CNTROB: variants seen among roughly 807,000 people sequenced by gnomAD.
CNTROB encodes centrobin, centriole duplication and spindle assembly protein.
Under a neutral mutation model 115.7 loss-of-function variants are expected in CNTROB, and 82 were observed. The ratio of observed to expected loss-of-function variants is 0.71; its 90% CI spans 0.59 to 0.85. CNTROB has a LOEUF of 0.85. Among genes scored for constraint, CNTROB ranks in the 40% least tolerant of loss-of-function variants. CNTROB has a pLI of 0.00. For missense variants in CNTROB, 1,014 were observed against 1,144.4 expected (o/e 0.89, Z 1.64); for synonymous variants, 439 against 456.4 (o/e 0.96, Z 0.49).
At position 7,948,303 on chromosome 17, in the gene CNTROB, C is replaced by A; in HGVS notation, c.2356C>A (p.Pro786Thr). Reference protein sequence around the residue: ...PPSSHSQGSGPSSGSPERGGD... With the variant: ...PPSSHSQGSGTSSGSPERGGD... ...CTCCTCCCATTCACAAGGCAGTGGT[C>A]CCAGCAGTGGTTCCCCAGAGAGAGG... The change falls in exon 16 of 19, where the codon CCC (proline) becomes ACC (threonine). Residue 786 changes from proline to threonine, a missense_variant. Physicochemically the swap from Pro to Thr is conservative, Grantham distance 38. Coordinates refer to ENST00000563694, the MANE Select transcript of CNTROB (RefSeq NM_053051.5). This position sits in a 1 kb window ranked among gnomAD's most constrained non-coding sequence, Gnocchi z 4.4. 1 of 1,614,090 alleles carries A rather than the reference C, an allele frequency of 6.2e-7. No individual in the cohort carries two copies. Among genetic ancestry groups the A allele is most frequent in the Non-Finnish European group, 8.5e-7 (1 of 1,180,018 alleles).
chr17:7,942,425 G>A (rs1467730910), intron 9 of CNTROB, among the ~76,000 whole-genome samples: 4 of 151,562 alleles, frequency 2.6e-5, no homozygotes, highest in African/African-American at 9.7e-5. Flanking sequence ...GTGAAACCCC[G>A]TCTCTACTAA....
In CNTROB at chr17:7,932,815, C is replaced by T; in HGVS notation, c.-265C>T. On this transcript the variant is annotated 5_prime_UTR_variant, in exon 1 of 19. Transcript: ENST00000563694. ...GTTGTCCCACAGTAGGTCTTCTGTC[C>T]GCACCCGCTCTGCGCTGCACCCTCT... 1 of 453,644 alleles carries T rather than the reference C, an allele frequency of 2.2e-6. No individual in the cohort carries two copies. The highest frequency in any genetic ancestry group is 3.9e-6 in the Non-Finnish European group (1 of 256,086). The allele number at this position is 453,644 out of a possible 1,614,324, so 28.1% of individuals were successfully genotyped here.
In CNTROB at chr17:7,944,651, C is replaced by T. The variant is rs764796383; in HGVS notation, c.1734+13C>T. ...GCCCAACCCTCCAGTACGCCTTACC[C>T]CTTGAGCTAAGCTTCTCCGTTATGT... On this transcript the variant is annotated intron_variant, in intron 12 of 18. Coordinates refer to ENST00000563694, the MANE Select transcript of CNTROB (RefSeq NM_053051.5). This position sits in a 1 kb window ranked among gnomAD's most constrained non-coding sequence, Gnocchi z 4.0. The T allele has an allele frequency of 6.3e-7, 1 of 1,594,090 alleles. No individual in the cohort carries two copies. Among genetic ancestry groups the T allele is most frequent in the South Asian group, 1.1e-5 (1 of 89,936 alleles).
chr17:7,945,634 G>A, intron 12 of CNTROB, 94 bp from the exon 13 acceptor site: 14 of 1,375,084 alleles, frequency 1.0e-5, no homozygotes, highest in Middle Eastern at 2.3e-4. Context: ...CACTGCATCC[G>A]GAAATTTATA....
intron 9 of CNTROB, among the ~76,000 whole-genome samples, chr17:7,942,744 A>G (rs1238870068): frequency 7.0e-6 from 1 of 143,270 alleles, no homozygotes; most frequent in Non-Finnish European, 1.5e-5. Context: ...AGGCACTGCC[A>G]TTTATTGAAT....
rs1567934043 is a variant in CNTROB at position 7,945,820 on chromosome 17, G to A, written c.1827G>A (p.Leu609=). ...VWTMPPMAVA[L]KPVLQQSREA... is the part of the protein sequence containing the mutation. ...CTATGCCTCCCATGGCCGTGGCCCT[G>A]AAGCCTGTATTGCAGCAGAGCCGGG... Residue 609 remains leucine, a synonymous_variant, in exon 13 of 19, where the codon CTG becomes CTA. Transcript: ENST00000563694. The A allele has an allele frequency of 6.2e-7, 1 of 1,614,244 alleles. No individual in the cohort carries two copies.
chr17:7,945,345 AG>A (rs1312047888), intron 12 of CNTROB: 14 of 152,558 alleles, frequency 9.2e-5, no homozygotes, highest in African/African-American at 3.4e-4. Context: ...TCTCAAAAAA[AG>A]AAAAAGAAGA....
At chr17:7,938,589 A>T (rs1446877441) in intron 7 of CNTROB, among the ~76,000 whole-genome samples, 1 of 152,122 alleles carries the variant, frequency 6.6e-6, no homozygotes, top group Non-Finnish European at 1.5e-5. Context: ...TGCCTTACAT[A>T]TGCTTTTTAC....
chr17:7,944,274 C>T lies in CNTROB; in HGVS notation c.1571+26C>T, dbSNP rs752044054. On this transcript the variant is annotated intron_variant, in intron 11 of 18. Transcript: ENST00000563694. This position sits in a 1 kb window ranked among gnomAD's most constrained non-coding sequence, Gnocchi z 4.0. Reference sequence around the variant, plus strand: ...GTCCTGGTCCCCAGAGTGCCCCTTTCAGGCCCCAGCCCCTTTCCCATGGGT... The same window carrying T: ...GTCCTGGTCCCCAGAGTGCCCCTTTTAGGCCCCAGCCCCTTTCCCATGGGT... 1.2e-6 allele frequency: 2 copies of T among 1,611,276 alleles called. No individual in the cohort carries two copies. Among genetic ancestry groups the T allele is most frequent in the Non-Finnish European group, 8.5e-7 (1 of 1,177,434 alleles).
At position 7,944,491 on chromosome 17, in the gene CNTROB, A is replaced by G; in HGVS notation, c.1587A>G (p.Gln529=). The G allele has an allele frequency of 6.2e-7, 1 of 1,613,930 alleles. No homozygotes were observed. The highest frequency in any genetic ancestry group is 8.5e-7 in the Non-Finnish European group (1 of 1,179,918). The change falls in exon 12 of 19, where the codon CAA becomes CAG. Residue 529 remains glutamine (Q), a synonymous_variant. Transcript: ENST00000563694. This position sits in a 1 kb window ranked among gnomAD's most constrained non-coding sequence, Gnocchi z 4.0. ...EDYELRLARE[Q]ARVCELQSGN... ...TTTGCTTCAGACTGGCCCGGGAGCA[A>G]GCGCGAGTGTGCGAACTGCAGAGTG...
rs377613708 is a variant in CNTROB, at chr17:7,939,561, C to T, written c.976C>T (p.Arg326Trp). 85 of 1,614,002 alleles carry T rather than the reference C, an allele frequency of 5.3e-5. No individual in the cohort carries two copies. The highest frequency in any genetic ancestry group is 7.1e-5 in the Non-Finnish European group (84 of 1,180,026). ...LTLRLEAEQQ[R>W]CCVLQEERDA... Reference sequence around the variant, plus strand: ...TCTGAGGTTGGAGGCAGAACAGCAGCGGTGCTGTGTCCTGCAGGAAGAGCG... The same window carrying T: ...TCTGAGGTTGGAGGCAGAACAGCAGTGGTGCTGTGTCCTGCAGGAAGAGCG... The change falls in exon 8 of 19, where the codon CGG (arginine) becomes TGG (tryptophan). Residue 326 changes from arginine to tryptophan, a missense_variant. Transcript: ENST00000563694. The surrounding 1 kb of genome is among the most constrained non-coding windows in gnomAD (Gnocchi z 4.4).
At chr17:7,933,441 T>A in intron 1 of CNTROB, 92 bp downstream of exon 1, 604 of 1,148,916 alleles carry the variant, frequency 5.3e-4, no homozygotes, top group Non-Finnish European at 6.7e-4. Flanking sequence ...TTTGATGAGA[T>A]TTGAACTCTT....
rs1281557872 is a variant in CNTROB at position 7,934,155 on chromosome 17, C to T, written c.288C>T (p.Ile96=). ...NLKKKDGSKH[I]FEMESVRGQL... ...TTTTCCAGGATGGTTCTAAGCATAT[C>T]TTTGAGATGGAAAGTGTTCGGGGTC... is the stretch of plus-strand genomic sequence containing the variant. The change falls in exon 2 of 19, where the codon ATC becomes ATT. Residue 96 remains isoleucine (I), a synonymous_variant. Transcript: ENST00000563694. 6.2e-7 allele frequency: 1 copy of T among 1,614,068 alleles called. No individual in the cohort carries two copies. The highest frequency in any genetic ancestry group is 1.7e-5 in the Admixed American group (1 of 59,998).
At chr17:7,949,266 A>G in intron 18 of CNTROB, 109 bp downstream of exon 18, 1 of 1,570,702 alleles carries the variant, frequency 6.4e-7, no homozygotes, top group Non-Finnish European at 8.8e-7. Context: ...TGCATTCTGT[A>G]GCATGGCCTT....
chr17:7,942,882 A>T (rs576675976), intron 9 of CNTROB, among the ~76,000 whole-genome samples: 54 of 133,670 alleles, frequency 4.0e-4, no homozygotes, highest in African/African-American at 1.5e-3. Flanking sequence ...GCTCACTGCA[A>T]GCTCCGCCTC....
chr17:7,939,364 G>A lies in CNTROB; in HGVS notation c.928-149G>A, dbSNP rs939949453. 2.0e-5 allele frequency: 14 copies of A among 704,782 alleles called. No homozygotes were observed. The African/African-American group carries it at 2.5e-4, about 12-fold the overall frequency. The allele number at this position is 704,782 out of a possible 1,614,324, so 43.7% of individuals were successfully genotyped here. A position where few individuals can be genotyped will look rare whatever the true frequency, so the allele number is the denominator to read the frequency against. On this transcript the variant is annotated intron_variant, in intron 7 of 18. Transcript: ENST00000563694. This position sits in a 1 kb window ranked among gnomAD's most constrained non-coding sequence, Gnocchi z 4.4. Reference sequence around the variant, plus strand: ...CTGCCTTGGCCTCCCAAAATGCTGGGATTACAGGTGTGAGCCACCGCACCC... The same window carrying A: ...CTGCCTTGGCCTCCCAAAATGCTGGAATTACAGGTGTGAGCCACCGCACCC...
In CNTROB at chr17:7,933,319, A is replaced by G. The variant is rs1031859551; in HGVS notation, c.240A>G (p.Ser80=). Residue 80 remains serine (S), a synonymous_variant, in exon 1 of 19, where the codon TCA becomes TCG. Transcript: ENST00000563694. ...CCCAAGAATTGAGTCGAAGCTTGTC[A>G]GTCGGATTGGAAAAGAACTTGAAGA... ...GFAQELSRSL[S]VGLEKNLKKK... 5 of 1,613,834 alleles carry G rather than the reference A, an allele frequency of 3.1e-6. No individual in the cohort carries two copies. The African/African-American group carries it at 6.7e-5, about 22-fold the overall frequency.
In CNTROB at chr17:7,948,796, T is replaced by C. The variant is rs1437206204; in HGVS notation, c.2513+177T>C. 1 of 1,503,150 alleles carries C rather than the reference T, an allele frequency of 6.7e-7. No homozygotes were observed. The highest frequency in any genetic ancestry group is 8.9e-7 in the Non-Finnish European group (1 of 1,125,150). 93.1% of individuals were successfully genotyped at this position (1,503,150 alleles called of 1,614,324 possible). ...TGCCCCACACTTTTCTTTTATCTCC[T>C]CCTTTCTATTGCTTTTTTCTTCTAA... On this transcript the variant is annotated intron_variant, in intron 17 of 18. Transcript: ENST00000563694. The surrounding 1 kb of genome is among the most constrained non-coding windows in gnomAD (Gnocchi z 4.4).
Position 7,948,479 on chromosome 17 carries a change from T to C in CNTROB, c.2381-8T>C. 6.2e-7 allele frequency: 1 copy of C among 1,614,094 alleles called. No homozygotes were observed. The highest frequency in any genetic ancestry group is 8.5e-7 in the Non-Finnish European group (1 of 1,179,998). On this transcript the variant is annotated splice_region_variant and splice_polypyrimidine_tract_variant and intron_variant, in intron 16 of 18. Transcript: ENST00000563694. This position sits in a 1 kb window ranked among gnomAD's most constrained non-coding sequence, Gnocchi z 4.4. ...GATGACGCCTGTGATTATTGCGATG[T>C]CTGTCAGGTGGAGATGGGCTTACAT...
Sources: gnomAD v4.1 joint callset for allele counts (sites outside exome capture counted in the v4.1 genomes callset) on GRCh38, gnomAD v4.1.1 for gene constraint, Gnocchi (gnomAD v3.1) non-coding constraint, MANE v1.5 for transcripts, NCBI Gene and HGNC (gene_info 2026-07-23, HGNC 2026-07-21) for gene names.